TECPR1: variants seen among roughly 807,000 people sequenced by gnomAD.
TECPR1 encodes the protein tectonin beta-propeller repeat-containing protein 1.
Under a neutral mutation model 162.4 loss-of-function variants are expected in TECPR1, and 122 were observed. The ratio of observed to expected loss-of-function variants is 0.75; its 90% CI spans 0.65 to 0.87. The LOEUF is 0.87. Ranked by LOEUF, TECPR1 falls within the 40% of genes least tolerant of loss-of-function variation. The pLI is 0.00. For synonymous variants in TECPR1, 642 were observed against 670.6 expected, an observed-to-expected ratio of 0.96 and a Z score of 0.66; for missense variants, 1,432 against 1,618.2, an observed-to-expected ratio of 0.88 and a Z score of 1.97.
chr7:98,216,330 A>C lies in TECPR1; in HGVS notation c.*1060T>G, dbSNP rs1369936525. The stretch of plus-strand genomic sequence containing the variant: ...CTCCCCACAGAAGCCCGCAGTCTGC[A>C]CCCTCCTACAACATGATTTGACATC... On this transcript the variant is annotated 3_prime_UTR_variant, in exon 26 of 26. Coordinates refer to ENST00000447648, the MANE Select transcript of TECPR1 (RefSeq NM_015395.3). 1.3e-5 allele frequency: 2 copies of C among 152,288 alleles called. No homozygotes were observed. Among genetic ancestry groups the C allele is most frequent in the African/African-American group, 4.8e-5 (2 of 41,412 alleles). 9.4% of individuals were successfully genotyped at this position (152,288 alleles called of 1,614,324 possible). A position where few individuals can be genotyped will look rare whatever the true frequency, so the allele number is the denominator to read the frequency against.
At position 98,238,597 on chromosome 7, in the gene TECPR1, C is replaced by T; in HGVS notation, c.947G>A (p.Arg316Lys). The stretch of plus-strand genomic sequence containing the variant: ...GCAGGGATTGTGAGAGTTGACGCCT[C>T]TTCGGAACCACACCTGGGGGAGTCA... ...VTKDWKVWFRRGVNSHNPCGT... is the reference protein window; with the variant it reads ...VTKDWKVWFRKGVNSHNPCGT... Residue 316 changes from arginine to lysine, a missense_variant, in exon 9 of 26, where the codon AGA becomes AAA. Arg to Lys is a conservative substitution (Grantham distance 26). Coordinates refer to ENST00000447648, the MANE Select transcript of TECPR1 (RefSeq NM_015395.3). 1.9e-6 allele frequency: 3 copies of T among 1,567,194 alleles called. No individual in the cohort carries two copies. Among genetic ancestry groups the T allele is most frequent in the South Asian group, 1.2e-5 (1 of 84,950 alleles).
chr7:98,243,315 G>T (rs1036401840), intron 6 of TECPR1, among the ~76,000 whole-genome samples, 152 bp downstream of exon 6: 8 of 151,820 alleles, frequency 5.3e-5, no homozygotes, highest in Admixed American at 6.6e-5. Flanking sequence ...TGATCAGCAC[G>T]CTGGGGGCTC....
At position 98,236,871 on chromosome 7, in the gene TECPR1, G is replaced by A. The variant is rs1301900839; in HGVS notation, c.1086C>T (p.Val362=). The A allele has an allele frequency of 2.5e-6, 4 of 1,581,118 alleles. No homozygotes were observed. Among genetic ancestry groups the A allele is most frequent in the East Asian group, 2.3e-5 (1 of 42,978 alleles). The stretch of plus-strand genomic sequence containing the variant: ...TCTTCCCACTGAGCTCGCTGGGGGT[G>A]ACACCCTGCCGGAAGTACACGGCTC... The part of the protein sequence containing the change: ...EDRAVYFRQG[V]TPSELSGKTW... Residue 362 remains valine (V), a synonymous_variant, in exon 10 of 26, where the codon GTC becomes GTT. Transcript: ENST00000447648.
intron 10 of TECPR1, among the ~76,000 whole-genome samples, chr7:98,234,913 T>G (rs549917103): frequency 6.6e-6 from 1 of 151,956 alleles, no homozygotes; most frequent in African/African-American, 2.4e-5. Flanking sequence ...GGGGTCTCAC[T>G]ATGTTGTCCA....
At chr7:98,245,899 A>T in intron 3 of TECPR1, 23 bp downstream of exon 3, 1 of 1,572,324 alleles carries the variant, frequency 6.4e-7, no homozygotes, top group African/African-American at 1.4e-5. Flanking sequence ...CCGCTCGGCA[A>T]CTCCAACCAT....
rs1375570782 is a variant in TECPR1 at position 98,238,618 on chromosome 7, A to AG, written c.934-9dup. 1.5e-5 allele frequency: 24 copies of AG among 1,558,332 alleles called. No homozygotes were observed. The African/African-American group carries it at 1.6e-4, about 11-fold the overall frequency. On this transcript the variant is annotated splice_polypyrimidine_tract_variant and intron_variant, in intron 8 of 25. Coordinates refer to ENST00000447648, the MANE Select transcript of TECPR1 (RefSeq NM_015395.3). ...GCCTCTTCGGAACCACACCTGGGGG[A>AG]GTCAGAAATAAACATGCCTTCCTGG...
At chr7:98,227,333 A>G (rs1335312692) in intron 17 of TECPR1, among the ~76,000 whole-genome samples, 2 of 151,134 alleles carry the variant, frequency 1.3e-5, no homozygotes, top group African/African-American at 4.9e-5. Flanking sequence ...CAGAGGTTGC[A>G]GTGAGCCAAG....
In TECPR1 at chr7:98,225,064, G is replaced by T; in HGVS notation, c.2552C>A (p.Ser851Ter). The T allele has an allele frequency of 6.4e-7, 1 of 1,568,284 alleles. No homozygotes were observed. Among genetic ancestry groups the T allele is most frequent in the Non-Finnish European group, 8.6e-7 (1 of 1,158,820 alleles). ...PTDRYMWSDA[S>*]GLQECTKAGT... ...AGCCTTCGTGCACTCCTGCAGCCCC[G>T]AGGCATCGCTCCACATGTACCGGTC... is the stretch of plus-strand genomic sequence containing the variant. Residue 851 changes from serine (S) to a stop codon, truncating the protein, a stop_gained, in exon 18 of 26, where the codon TCG (serine) becomes TAG (stop). Transcript: ENST00000447648. LOFTEE classifies it high-confidence loss of function.
chr7:98,231,187 C>G lies in TECPR1; in HGVS notation c.2124+37G>C, dbSNP rs377445882. On this transcript the variant is annotated intron_variant, in intron 14 of 25. Transcript: ENST00000447648. Reference sequence around the variant, plus strand: ...GGCCAGGCCACCCCACCATGGCTATCCCTCCCCCCGGCCCGAGGGGACCAC... The same window carrying G: ...GGCCAGGCCACCCCACCATGGCTATGCCTCCCCCCGGCCCGAGGGGACCAC... 19 of 1,608,882 alleles carry G rather than the reference C, an allele frequency of 1.2e-5. No individual in the cohort carries two copies. The East Asian group carries it at 4.2e-4, about 36-fold the overall frequency.
chr7:98,224,536 G>A (rs987681939), intron 19 of TECPR1, among the ~76,000 whole-genome samples: 2 of 152,222 alleles, frequency 1.3e-5, no homozygotes, highest in Non-Finnish European at 1.5e-5. Context: ...GATGAACGTG[G>A]CGTGGGGGAG....
At chr7:98,248,504 T>C (rs1267934839) in intron 2 of TECPR1, among the ~76,000 whole-genome samples, 2 of 126,676 alleles carry the variant, frequency 1.6e-5, no homozygotes, top group East Asian at 4.5e-4. Context: ...GATAGAAGCA[T>C]GTCTGAAAAG....
chr7:98,231,941 C>G lies in TECPR1; in HGVS notation c.1837G>C (p.Gly613Arg). Reference protein sequence around the residue: ...AVEQSVWVKTGALQWWCDWKP... With the variant: ...AVEQSVWVKTRALQWWCDWKP... ...CAGTCGCACCACCACTGCAGCGCCC[C>G]GGTCTTCACCCACACCGACTGCGCA... Residue 613 changes from glycine (G) to arginine (R), a missense_variant, in exon 13 of 26, where the codon GGG becomes CGG. Physicochemically the swap from Gly to Arg is moderately radical, Grantham distance 125. Coordinates refer to ENST00000447648, the MANE Select transcript of TECPR1 (RefSeq NM_015395.3). 6.2e-7 allele frequency: 1 copy of G among 1,605,836 alleles called. No individual in the cohort carries two copies. Among genetic ancestry groups the G allele is most frequent in the South Asian group, 1.1e-5 (1 of 91,038 alleles).
At position 98,236,909 on chromosome 7, in the gene TECPR1, C is replaced by G. The variant is rs779072039; in HGVS notation, c.1048G>C (p.Gly350Arg). 6.4e-7 allele frequency: 1 copy of G among 1,562,258 alleles called. No individual in the cohort carries two copies. The highest frequency in any genetic ancestry group is 8.7e-7 in the Non-Finnish European group (1 of 1,153,590). The change falls in exon 10 of 26, where the codon GGC (glycine) becomes CGC (arginine). Residue 350 changes from glycine to arginine, a missense_variant. Physicochemically the swap from Gly to Arg is moderately radical, Grantham distance 125. Transcript: ENST00000447648. ...AAGTACACGGCTCGGTCCTCACAGC[C>G]AATGCCCCACACCTGGAAGAGAGAG... ...VGMNDQVWGIGCEDRAVYFRQ... is the reference protein window; with the variant it reads ...VGMNDQVWGIRCEDRAVYFRQ...
rs561086269 is a variant in TECPR1, at chr7:98,241,552, C to T, written c.658-308G>A. ...CTGGCCAGCCCGTGTGTCCCATGCC[C>T]CCTTGTGGCGATGTGCTCTCAGGAC... On this transcript the variant is annotated intron_variant, in intron 6 of 25. Coordinates refer to ENST00000447648, the MANE Select transcript of TECPR1 (RefSeq NM_015395.3). The surrounding 1 kb of genome is among the most constrained non-coding windows in gnomAD (Gnocchi z 5.0). Among the ~76,000 whole-genome samples, 7 of 152,334 alleles carry T rather than the reference C, an allele frequency of 4.6e-5. No homozygotes were observed. Among genetic ancestry groups the T allele is most frequent in the African/African-American group, 7.2e-5 (3 of 41,582 alleles).
Position 98,223,731 on chromosome 7 carries a change from A to G in TECPR1, c.2691-13T>C. ...CCCATGGTATGAGCTGCAAGGAGGA[A>G]GAAGATGAAATCAGGGCCACTTCGT... On this transcript the variant is annotated splice_polypyrimidine_tract_variant and intron_variant, in intron 19 of 25. Transcript: ENST00000447648. The G allele has an allele frequency of 6.2e-7, 1 of 1,613,550 alleles. No homozygotes were observed. Among genetic ancestry groups the G allele is most frequent in the South Asian group, 1.1e-5 (1 of 91,084 alleles).
chr7:98,237,508 A>C (rs10257827), intron 9 of TECPR1, among the ~76,000 whole-genome samples: 1 of 151,778 alleles, frequency 6.6e-6, no homozygotes, highest in South Asian at 2.1e-4. Context: ...TTGCTCTGTC[A>C]CCCAGGCTGG....
chr7:98,237,995 C>T (rs1044839594), intron 9 of TECPR1, among the ~76,000 whole-genome samples: 2 of 152,126 alleles, frequency 1.3e-5, no homozygotes, highest in African/African-American at 4.8e-5. Context: ...TGGTCTCAAA[C>T]TCCTAGGCTC....
Position 98,217,728 on chromosome 7 carries a change from G to A in TECPR1, c.3348C>T (p.His1116=), listed in dbSNP as rs2279676. ...AGTCCCAGCCGTGGCCCTTGGGCTC[G>A]TGAGGCTGCACGCCGGTGCGATGAC... The part of the protein sequence containing the change: ...TVCHRTGVQP[H]EPKGHGWDYG... The change falls in exon 25 of 26, where the codon CAC becomes CAT. Residue 1116 remains histidine, a synonymous_variant. Transcript: ENST00000447648. 274,478 of 1,549,316 alleles carry A rather than the reference G, an allele frequency of 0.18. 26,274 individuals carry two copies. Among genetic ancestry groups the A allele is most frequent in the Admixed American group, 0.32 (16,057 of 50,960 alleles).
In TECPR1 at chr7:98,225,014, A is replaced by C; in HGVS notation, c.2602T>G (p.Trp868Gly). 6.5e-7 allele frequency: 1 copy of C among 1,549,424 alleles called. No individual in the cohort carries two copies. The highest frequency in any genetic ancestry group is 8.7e-7 in the Non-Finnish European group (1 of 1,148,476). The stretch of plus-strand genomic sequence containing the variant: ...GGGCAGCGGGACCTCACCCAGGCCC[A>C]CTGCAGGGACGGGGGCTTCGTGCCA... ...KAGTKPPSLQ[W>G]AWVSDWFVDF... The change falls in exon 18 of 26, where the codon TGG becomes GGG. Residue 868 changes from tryptophan (W) to glycine (G), a missense_variant. By Grantham distance (184) the Trp-to-Gly change is radical. Coordinates refer to ENST00000447648, the MANE Select transcript of TECPR1 (RefSeq NM_015395.3).
Sources: gnomAD v4.1 joint callset for allele counts (sites outside exome capture counted in the v4.1 genomes callset) on GRCh38, gnomAD v4.1.1 for gene constraint, Gnocchi (gnomAD v3.1) non-coding constraint, MANE v1.5 for transcripts, NCBI Gene and HGNC (gene_info 2026-07-23, HGNC 2026-07-21) for gene names.